Variants in PLEKHA7 observed in about 807,000 individuals in gnomAD.
The protein encoded by PLEKHA7 is pleckstrin homology domain-containing family A member 7.
Under a neutral mutation model 170.0 loss-of-function variants are expected in PLEKHA7, and 104 were observed. That is an observed-to-expected ratio of 0.61 (90% confidence interval 0.52 to 0.72). The LOEUF (loss-of-function observed/expected upper bound fraction) is 0.72, where lower values mean the gene tolerates loss of function less well. Among genes scored for constraint, PLEKHA7 ranks in the 30% least tolerant of loss-of-function variants. The pLI is 0.00. For synonymous variants in PLEKHA7, 648 were observed against 660.8 expected, an observed-to-expected ratio of 0.98 and a Z score of 0.30; for missense variants, 1,615 against 1,671.7, an observed-to-expected ratio of 0.97 and a Z score of 0.59.
intron 3 of PLEKHA7, among the ~76,000 whole-genome samples, chr11:16,969,122 C>T (rs889918781): frequency 6.6e-6 from 1 of 152,038 alleles, no homozygotes; most frequent in African/African-American, 2.4e-5. Context: ...TCTTTTGATG[C>T]AACTGACTGC....
intron 10 of PLEKHA7, among the ~76,000 whole-genome samples, chr11:16,824,419 C>A (rs1850474643): frequency 6.6e-6 from 1 of 152,044 alleles, no homozygotes; most frequent in South Asian, 2.1e-4. Context: ...GTTTATAACA[C>A]AAAGAAATGA....
Position 16,813,181 on chromosome 11 carries a change from G to C in PLEKHA7, c.1954-15C>G. ...GTATCATCAGCCTTCAAATGAAGCAGAGAGGAAAAAACACAGTTATGAACA... is the reference window on the plus strand; with the variant it reads ...GTATCATCAGCCTTCAAATGAAGCACAGAGGAAAAAACACAGTTATGAACA... On this transcript the variant is annotated splice_polypyrimidine_tract_variant and intron_variant, in intron 12 of 26. Coordinates refer to ENST00000531066, the MANE Select transcript of PLEKHA7 (RefSeq NM_001329630.2). 1.9e-6 allele frequency: 3 copies of C among 1,611,790 alleles called. No individual in the cohort carries two copies. The highest frequency in any genetic ancestry group is 2.5e-6 in the Non-Finnish European group (3 of 1,178,046).
intron 3 of PLEKHA7, among the ~76,000 whole-genome samples, chr11:16,884,726 C>T (rs1171320514): frequency 6.6e-6 from 1 of 152,128 alleles, no homozygotes; most frequent in Non-Finnish European, 1.5e-5. Context: ...CTCTGGGCCC[C>T]AAGGAGAGGC....
intron 13 of PLEKHA7, among the ~76,000 whole-genome samples, chr11:16,811,499 G>A (rs1276523757): frequency 2.0e-5 from 3 of 152,254 alleles, no homozygotes; most frequent in Non-Finnish European, 4.4e-5. Context: ...GAGGCTGGGG[G>A]CTGCTGGATC....
intron 8 of PLEKHA7, among the ~76,000 whole-genome samples, chr11:16,847,018 G>C (rs1302059038): frequency 6.6e-6 from 1 of 151,134 alleles, no homozygotes; most frequent in Admixed American, 6.6e-5. Context: ...AGGTGACTCT[G>C]AGCAGAGAAC....
At chr11:16,950,176 G>A (rs936927789) in intron 3 of PLEKHA7, among the ~76,000 whole-genome samples, 3 of 152,094 alleles carry the variant, frequency 2.0e-5, no homozygotes, top group African/African-American at 7.2e-5. Flanking sequence ...CAAGAGCTGA[G>A]AAGGATTTTA....
intron 13 of PLEKHA7, among the ~76,000 whole-genome samples, chr11:16,805,924 G>A (rs570210356): frequency 2.7e-4 from 41 of 152,294 alleles, no homozygotes; most frequent in African/African-American, 9.4e-4. Flanking sequence ...TTAACTGGGG[G>A]TGATGCCCTT....
chr11:16,788,999 T>A, intron 23 of PLEKHA7, 97 bp downstream of exon 23: 1 of 1,413,648 alleles, frequency 7.1e-7, no homozygotes, highest in African/African-American at 1.4e-5. Context: ...AATGGACAGC[T>A]CTCTCACTGG....
rs7925274 is a variant in PLEKHA7, at chr11:16,879,169, T to C, written c.222-7987A>G. ...AAACCTACAATTTGGTGACTGATTA[T>C]ATCCTCGCTAGTATTGCTCTCTGCT... On this transcript the variant is annotated intron_variant, in intron 3 of 26. Coordinates refer to ENST00000531066, the MANE Select transcript of PLEKHA7 (RefSeq NM_001329630.2). 8.9e-3 allele frequency among the ~76,000 whole-genome samples: 1,361 copies of C among 152,324 alleles called. 20 individuals are homozygous for C. The highest frequency in any genetic ancestry group is 0.032 in the African/African-American group (1,319 of 41,562).
At chr11:17,006,503 C>T (rs1156438987) in intron 3 of PLEKHA7, among the ~76,000 whole-genome samples, 6 of 151,282 alleles carry the variant, frequency 4.0e-5, no homozygotes, top group Non-Finnish European at 2.9e-5. Context: ...TGGCGCATGC[C>T]TGTAGTCCCA....
chr11:16,809,481 C>A (rs1849214146), intron 13 of PLEKHA7, among the ~76,000 whole-genome samples: 1 of 152,206 alleles, frequency 6.6e-6, no homozygotes, highest in African/African-American at 2.4e-5. Flanking sequence ...TCCAAGGAAC[C>A]AGGGGGGACC....
chr11:16,924,547 G>A (rs1481040539), intron 3 of PLEKHA7, among the ~76,000 whole-genome samples: 4 of 152,288 alleles, frequency 2.6e-5, no homozygotes, highest in African/African-American at 7.2e-5. Flanking sequence ...AAAGGAGGAG[G>A]GGTACAGACG....
At chr11:16,906,266 GGAAGGAA>G (rs1857670268) in intron 3 of PLEKHA7, among the ~76,000 whole-genome samples, 2 of 97,828 alleles carry the variant, frequency 2.0e-5, no homozygotes, top group Admixed American at 1.0e-4. Context: ...AAGGAAGGAA[GGAAGGAA>G]GGAAGGAAAG....
At chr11:16,801,120 C>T (rs372259666) in intron 16 of PLEKHA7, 45 bp from the exon 17 acceptor site, 116 of 1,546,224 alleles carry the variant, frequency 7.5e-5, no homozygotes, top group Non-Finnish European at 1.0e-4. Flanking sequence ...ATCCCCTGCC[C>T]CCTTGGAAGG....
intron 3 of PLEKHA7, among the ~76,000 whole-genome samples, chr11:16,983,878 C>T (rs907098373): frequency 6.6e-6 from 1 of 152,052 alleles, no homozygotes; most frequent in Non-Finnish European, 1.5e-5. Flanking sequence ...AATAATATTA[C>T]CCCAGCTTGG....
chr11:16,981,488 G>C (rs1863424741), intron 3 of PLEKHA7, among the ~76,000 whole-genome samples: 1 of 152,094 alleles, frequency 6.6e-6, no homozygotes, highest in African/African-American at 2.4e-5. Flanking sequence ...CCTCAGTGAT[G>C]CTCCAGAACA....
chr11:16,834,973 A>G (rs1263984594), intron 9 of PLEKHA7, among the ~76,000 whole-genome samples: 1 of 152,194 alleles, frequency 6.6e-6, no homozygotes, highest in East Asian at 1.9e-4. Context: ...CAAGAGAACA[A>G]AAGTCAGAGG....
At chr11:16,840,357 T>C (rs1851854448) in intron 9 of PLEKHA7, among the ~76,000 whole-genome samples, 1 of 151,940 alleles carries the variant, frequency 6.6e-6, no homozygotes, top group Non-Finnish European at 1.5e-5. Context: ...AGTCAGGAGT[T>C]CAAGACCAGC....
At chr11:16,985,642 C>T (rs1863682548) in intron 3 of PLEKHA7, among the ~76,000 whole-genome samples, 1 of 152,212 alleles carries the variant, frequency 6.6e-6, no homozygotes, top group Non-Finnish European at 1.5e-5. Context: ...TTTAAGTTTT[C>T]TTGCTTGAAG....
Sources: allele counts gnomAD v4.1 joint callset (sites outside exome capture counted in the v4.1 genomes callset), GRCh38; gene constraint gnomAD v4.1.1; transcripts MANE v1.5; gene names NCBI Gene and HGNC (gene_info 2026-07-23, HGNC 2026-07-21).